The following RBFOX1 variants were observed in gnomAD, a reference collection of about 807,000 sequenced individuals.
RBFOX1 encodes RNA binding protein fox-1 homolog 1.
Under a neutral mutation model 57.7 loss-of-function variants are expected in RBFOX1, and 8 were observed. The ratio of observed to expected loss-of-function variants is 0.14; its 90% CI spans 0.08 to 0.25. The LOEUF (loss-of-function observed/expected upper bound fraction) is 0.25. Ranked by LOEUF, RBFOX1 falls within the 10% of genes least tolerant of loss-of-function variation. The probability of loss-of-function intolerance (pLI) is 1.00; values close to 1 mark genes in which losing one functional copy is unlikely to be tolerated. For synonymous variants in RBFOX1, 326 were observed against 222.4 expected (o/e 1.47, Z -4.15); for missense variants, 611 against 548.5 (o/e 1.11, Z -1.14).
At chr16:5,848,764 T>C (rs1011418229) in intron 3 of RBFOX1, among the ~76,000 whole-genome samples, 1 of 151,966 alleles carries the variant, frequency 6.6e-6, no homozygotes, top group Non-Finnish European at 1.5e-5. Context: ...CTGGCCAACA[T>C]GGTGAAACCC....
rs371007622 is a variant in RBFOX1 at position 7,611,324 on chromosome 16, G to A, written c.676+3986G>A. On this transcript the variant is annotated intron_variant, in intron 10 of 15. Transcript: ENST00000550418. ...TTATTGACCAGGCGTGGTGGCTCAC[G>A]CCTTTAATCCCAGTACTTTGAGAGG... Among the ~76,000 whole-genome samples the A allele has an allele frequency of 1.8e-3, 272 of 152,160 alleles. 2 individuals are homozygous for A. Among genetic ancestry groups the A allele is most frequent in the African/African-American group, 5.8e-3 (241 of 41,516 alleles).
chr16:7,457,757 T>A (rs900376763), intron 4 of RBFOX1, among the ~76,000 whole-genome samples: 1 of 152,120 alleles, frequency 6.6e-6, no homozygotes, highest in South Asian at 2.1e-4. Flanking sequence ...TCTTCTTGTG[T>A]GCAGTCTGGA....
intron 2 of RBFOX1, among the ~76,000 whole-genome samples, chr16:6,346,485 A>T (rs191964229): frequency 2.1e-5 from 3 of 145,460 alleles, no homozygotes; most frequent in African/African-American, 7.4e-5. Flanking sequence ...GGGATCAGGT[A>T]CTGTTCCAAC....
chr16:6,678,470 T>G (rs1056808680), intron 3 of RBFOX1, among the ~76,000 whole-genome samples: 1 of 151,848 alleles, frequency 6.6e-6, no homozygotes, highest in Non-Finnish European at 1.5e-5. Context: ...TGTATCTGTG[T>G]GCGTGTATGG....
intron 2 of RBFOX1, among the ~76,000 whole-genome samples, chr16:5,552,079 CTG>C (rs1166452771): frequency 6.6e-6 from 1 of 152,148 alleles, no homozygotes; most frequent in Non-Finnish European, 1.5e-5. Flanking sequence ...ATGAAACAGA[CTG>C]TGTCGTGTTA....
intron 1 of RBFOX1, among the ~76,000 whole-genome samples, chr16:5,392,908 A>T (rs986184348): frequency 6.6e-6 from 1 of 152,016 alleles, no homozygotes; most frequent in African/African-American, 2.4e-5. Context: ...TTACCTGCTC[A>T]TTTTGCAACA....
chr16:6,282,186 A>G (rs2076446064), intron 1 of RBFOX1, among the ~76,000 whole-genome samples: 1 of 152,080 alleles, frequency 6.6e-6, no homozygotes, highest in Admixed American at 6.6e-5. Flanking sequence ...AAAATCCCAG[A>G]TTGCGCATAG....
chr16:7,006,914 A>G (rs1359928262), intron 3 of RBFOX1, among the ~76,000 whole-genome samples: 5 of 152,116 alleles, frequency 3.3e-5, no homozygotes, highest in Non-Finnish European at 4.4e-5. Flanking sequence ...CCCCATATGG[A>G]CGCACCGTCT....
At chr16:7,692,077 C>T (rs2077471046) in intron 14 of RBFOX1, among the ~76,000 whole-genome samples, 1 of 152,114 alleles carries the variant, frequency 6.6e-6, no homozygotes, top group Non-Finnish European at 1.5e-5. Flanking sequence ...TATTGCTCCT[C>T]TAACATAGGG....
intron 1 of RBFOX1, among the ~76,000 whole-genome samples, chr16:5,287,563 A>G (rs2063427274): frequency 2.0e-5 from 3 of 152,188 alleles, no homozygotes; most frequent in Non-Finnish European, 2.9e-5. Flanking sequence ...TAATACAACA[A>G]TCGTTTATTT....
intron 3 of RBFOX1, among the ~76,000 whole-genome samples, chr16:5,613,633 G>C (rs529721337): frequency 3.7e-4 from 57 of 152,082 alleles, no homozygotes; most frequent in Non-Finnish European, 7.4e-4. Flanking sequence ...ATCATTTCAT[G>C]GGGGGAGGCA....
chr16:5,809,221 T>A (rs1469579850), intron 3 of RBFOX1, among the ~76,000 whole-genome samples: 1 of 152,112 alleles, frequency 6.6e-6, no homozygotes, highest in Non-Finnish European at 1.5e-5. Flanking sequence ...ATAAAAACCC[T>A]AGAAGAAAAC....
At chr16:6,449,724 T>A (rs1457867244) in intron 2 of RBFOX1, among the ~76,000 whole-genome samples, 1 of 152,206 alleles carries the variant, frequency 6.6e-6, no homozygotes, top group African/African-American at 2.4e-5. Context: ...TTATTTTCTT[T>A]GAATTCAAGC....
At chr16:5,856,537 ATG>A (rs774246673) in intron 3 of RBFOX1, among the ~76,000 whole-genome samples, 6,831 of 68,866 alleles carry the variant, frequency 0.099, 619 homozygotes, top group African/African-American at 0.18. Context: ...ATATATGTGT[ATG>A]TGTGTGTGTG....
intron 3 of RBFOX1, among the ~76,000 whole-genome samples, chr16:5,722,879 C>G (rs771659113): frequency 6.6e-6 from 1 of 152,162 alleles, no homozygotes; most frequent in Non-Finnish European, 1.5e-5. Context: ...CTGTTGCCAG[C>G]TCTCATTTTA....
chr16:5,439,748 A>G (rs1188604943), intron 1 of RBFOX1, among the ~76,000 whole-genome samples: 1 of 152,110 alleles, frequency 6.6e-6, no homozygotes, highest in Non-Finnish European at 1.5e-5. Flanking sequence ...CTGGCCAGGA[A>G]AGAGGTTTAA....
chr16:6,110,757 C>A (rs1020029351), intron 1 of RBFOX1, among the ~76,000 whole-genome samples: 1 of 152,142 alleles, frequency 6.6e-6, no homozygotes, highest in Admixed American at 6.5e-5. Context: ...CCAGAGGACA[C>A]TAGGCCATGC....
At chr16:7,062,502 A>G (rs2054682928) in intron 4 of RBFOX1, among the ~76,000 whole-genome samples, 2 of 152,114 alleles carry the variant, frequency 1.3e-5, no homozygotes, top group Non-Finnish European at 1.5e-5. Context: ...TGTTGTCTGC[A>G]TCCAACAGAC....
At chr16:5,616,450 G>A (rs1354128951) in intron 3 of RBFOX1, among the ~76,000 whole-genome samples, 1 of 152,154 alleles carries the variant, frequency 6.6e-6, no homozygotes, top group African/African-American at 2.4e-5. Context: ...TAGAGCAGGA[G>A]GTTCTTGTGT....
Sources: allele counts gnomAD v4.1 joint callset (sites outside exome capture counted in the v4.1 genomes callset), GRCh38; gene constraint gnomAD v4.1.1; transcripts MANE v1.5; gene names NCBI Gene and HGNC (gene_info 2026-07-23, HGNC 2026-07-21).